Variants in GBP2 observed in about 807,000 individuals in gnomAD.
GBP2 encodes guanylate binding protein 2.
In GBP2, 54 loss-of-function variants were observed where a neutral mutation model predicts 60.8. The ratio of observed to expected loss-of-function variants is 0.89; its 90% CI spans 0.71 to 1.11. GBP2 has a LOEUF of 1.11. Among genes scored for constraint, GBP2 ranks in the 50% most tolerant of loss-of-function variants. The pLI, the probability that GBP2 is intolerant of heterozygous loss-of-function variation, is 0.00. For synonymous variants in GBP2, 243 were observed against 256.5 expected (o/e 0.95, Z 0.50); for missense variants, 665 against 703.3 (o/e 0.95, Z 0.62).
At chr1:89,117,941 A>G in intron 4 of GBP2, 168 bp from the exon 5 acceptor site, 1 of 605,862 alleles carries the variant, frequency 1.7e-6, no homozygotes, top group East Asian at 2.9e-5. Flanking sequence ...AGCACCTACT[A>G]TGAACCAAGC....
rs1681050234 is a variant in GBP2, at chr1:89,106,225, A to G, written c.*1950T>C. The stretch of plus-strand genomic sequence containing the variant: ...CAAACAGGAAAGAAATGTTCCGATT[A>G]AGTAAAAGGGGAATTGTAAGAAAGA... On this transcript the variant is annotated 3_prime_UTR_variant, in exon 11 of 11. Transcript: ENST00000370466. 1 of 152,200 alleles carries G rather than the reference A, an allele frequency of 6.6e-6. No homozygotes were observed. The highest frequency in any genetic ancestry group is 2.1e-4 in the South Asian group (1 of 4,830). The allele number at this position is 152,200 out of a possible 1,614,324, so 9.4% of individuals were successfully genotyped here. A position where few individuals can be genotyped will look rare whatever the true frequency, so the allele number is the denominator to read the frequency against.
rs1035972357 is a variant in GBP2 at position 89,110,206 on chromosome 1, G to T, written c.1423C>A (p.Gln475Lys). 3.7e-6 allele frequency: 6 copies of T among 1,613,766 alleles called. No homozygotes were observed. The highest frequency in any genetic ancestry group is 1.7e-5 in the Admixed American group (1 of 59,986). ...TTTTCTGAGAGTGACTGATCAGTCTGTAGAAGTGCATCAGCCACATCCTCC... is the reference window on the plus strand; with the variant it reads ...TTTTCTGAGAGTGACTGATCAGTCTTTAGAAGTGCATCAGCCACATCCTCC... ...SKEDVADALLQTDQSLSEKEK... is the reference protein window; with the variant it reads ...SKEDVADALLKTDQSLSEKEK... The change falls in exon 9 of 11, where the codon CAG becomes AAG. Residue 475 changes from glutamine (Q) to lysine (K), a missense_variant. By Grantham distance (53) the Gln-to-Lys change is moderately conservative. Coordinates refer to ENST00000370466, the MANE Select transcript of GBP2 (RefSeq NM_004120.5).
chr1:89,124,575 C>T (rs1197505246), intron 1 of GBP2, among the ~76,000 whole-genome samples: 1 of 152,134 alleles, frequency 6.6e-6, no homozygotes, highest in Non-Finnish European at 1.5e-5. Flanking sequence ...ACATAGATAC[C>T]ATTCTAACCC....
chr1:89,109,567 G>C, intron 10 of GBP2, 110 bp downstream of exon 10: 7 of 795,646 alleles, frequency 8.8e-6, no homozygotes, highest in Non-Finnish European at 1.4e-5. Flanking sequence ...GAAAAATGTA[G>C]TAGTGTCTGG....
intron 4 of GBP2, chr1:89,119,836 T>C (rs562617709): frequency 4.4e-6 from 1 of 227,054 alleles, no homozygotes; most frequent in African/African-American, 2.3e-5. Context: ...CTAGGTATCA[T>C]TTAGAAGGCA....
intron 4 of GBP2, chr1:89,119,817 A>G (rs1014700553): frequency 2.5e-5 from 5 of 199,068 alleles, no homozygotes; most frequent in African/African-American, 1.2e-4. Context: ...TAGTATCTAT[A>G]GTGTATAGCT....
intron 8 of GBP2, among the ~76,000 whole-genome samples, chr1:89,110,942 A>G (rs1241904624): frequency 2.0e-5 from 3 of 152,230 alleles, no homozygotes; most frequent in Non-Finnish European, 4.4e-5. Context: ...ACAATACATT[A>G]AAAGGATCAC....
intron 4 of GBP2, chr1:89,119,453 T>A (rs1352798459): frequency 6.6e-6 from 1 of 152,140 alleles, no homozygotes; most frequent in Non-Finnish European, 1.5e-5. Context: ...GAGTGGAGAA[T>A]GACAATAAGG....
chr1:89,108,372 A>G, intron 10 of GBP2, 81 bp from the exon 11 acceptor site: 1 of 797,558 alleles, frequency 1.3e-6, no homozygotes, highest in Non-Finnish European at 2.1e-6. Context: ...ACTTATATTG[A>G]TCCTTCAAGA....
chr1:89,110,546 A>G (rs1361552134), intron 8 of GBP2, among the ~76,000 whole-genome samples: 1 of 152,152 alleles, frequency 6.6e-6, no homozygotes. Context: ...AAAAAGGAAA[A>G]AGACAATGGC....
Position 89,117,110 on chromosome 1 carries a change from C to G in GBP2, c.750G>C (p.Gln250His), listed in dbSNP as rs1557440827. The G allele has an allele frequency of 1.2e-6, 2 of 1,614,194 alleles. No individual in the cohort carries two copies. Among genetic ancestry groups the G allele is most frequent in the Admixed American group, 1.7e-5 (1 of 60,012 alleles). Residue 250 changes from glutamine (Q) to histidine (H), a missense_variant, in exon 6 of 11, where the codon CAG (glutamine) becomes CAC (histidine). Gln to His is a conservative substitution (Grantham distance 24, BLOSUM62 0). Transcript: ENST00000370466. ...APKKYLAHLE[Q>H]LKEEELNPDF... ...CAGGGTTCAGCTCTTCCTCCTTTAG[C>G]TGCTCTAGGTGAGCAAGGTACTTCT...
In GBP2 at chr1:89,110,227, C is replaced by T; in HGVS notation, c.1402G>A (p.Asp468Asn). The T allele has an allele frequency of 1.2e-6, 2 of 1,613,798 alleles. No homozygotes were observed. ...GTCTGTAGAAGTGCATCAGCCACAT[C>T]CTCCTTGGACTCCAAATATTTTTTC... ...VLKKYLESKE[D>N]VADALLQTDQ... Residue 468 changes from aspartate to asparagine, a missense_variant, in exon 9 of 11, where the codon GAT (aspartate) becomes AAT (asparagine). By Grantham distance (23) the Asp-to-Asn change is conservative (BLOSUM62 1). Transcript: ENST00000370466.
intron 4 of GBP2, chr1:89,119,045 T>G (rs1013491317): frequency 1.3e-5 from 2 of 152,198 alleles, no homozygotes; most frequent in Non-Finnish European, 2.9e-5. Flanking sequence ...GCCTTGAAGC[T>G]GGATGTGATC....
At chr1:89,120,080 G>T in intron 4 of GBP2, 99 bp downstream of exon 4, 1 of 787,972 alleles carries the variant, frequency 1.3e-6, no homozygotes, top group South Asian at 1.5e-5. Context: ...GAGGACTTAT[G>T]AATTCTTCAG....
intron 1 of GBP2, among the ~76,000 whole-genome samples, chr1:89,124,150 G>C (rs1681467810): frequency 6.6e-6 from 1 of 152,088 alleles, no homozygotes; most frequent in Non-Finnish European, 1.5e-5. Context: ...CTTTTAGATT[G>C]TTTCTAATAT....
At chr1:89,123,097 C>T (rs1425866855) in intron 1 of GBP2, among the ~76,000 whole-genome samples, 5 of 152,164 alleles carry the variant, frequency 3.3e-5, no homozygotes, top group Admixed American at 6.5e-5. Context: ...AGCCCAGGTA[C>T]TATGGACGTG....
At position 89,112,557 on chromosome 1, in the gene GBP2, G is replaced by A. The variant is rs761974512; in HGVS notation, c.1277C>T (p.Ser426Phe). ...AAAGAGACGGTAACCTCCTGGTTTA[G>A]AAAATGTTCCCTGCTTGACATCTTC... The part of the protein sequence containing the change: ...LEEDVKQGTF[S>F]KPGGYRLFTQ... The change falls in exon 8 of 11, where the codon TCT becomes TTT. Residue 426 changes from serine to phenylalanine, a missense_variant. Coordinates refer to ENST00000370466, the MANE Select transcript of GBP2 (RefSeq NM_004120.5). 9.9e-6 allele frequency: 16 copies of A among 1,614,170 alleles called. No individual in the cohort carries two copies. Among genetic ancestry groups the A allele is most frequent in the Non-Finnish European group, 1.3e-5 (15 of 1,180,020 alleles).
chr1:89,113,966 T>C (rs538840569), intron 7 of GBP2, 50 bp downstream of exon 7: 1 of 1,599,038 alleles, frequency 6.3e-7, no homozygotes, highest in South Asian at 1.1e-5. Context: ...TATTTTCCCA[T>C]GAAGGGCCCA....
chr1:89,121,668 G>A, intron 2 of GBP2, 109 bp downstream of exon 2: 1 of 1,210,524 alleles, frequency 8.3e-7, no homozygotes, highest in East Asian at 2.4e-5. Flanking sequence ...TGGACTGAAA[G>A]TTAGCTTTCA....
Sources: gnomAD v4.1 joint callset for allele counts (sites outside exome capture counted in the v4.1 genomes callset) on GRCh38, gnomAD v4.1.1 for gene constraint, MANE v1.5 for transcripts, NCBI Gene and HGNC (gene_info 2026-07-23, HGNC 2026-07-21) for gene names.